C12orf42: variants seen among roughly 807,000 people sequenced by gnomAD.
C12orf42 encodes chromosome 12 open reading frame 42.
In C12orf42, 25 loss-of-function variants were observed where a neutral mutation model predicts 21.6. The ratio of observed to expected loss-of-function variants is 1.16; its 90% CI spans 0.84 to 1.62. The LOEUF (loss-of-function observed/expected upper bound fraction) is 1.62, where lower values mean the gene tolerates loss of function less well. C12orf42 is among the 40% of genes most tolerant of loss of function. The probability of loss-of-function intolerance (pLI) is 0.00; values close to 1 mark genes in which losing one functional copy is unlikely to be tolerated. For missense variants in C12orf42, 483 were observed against 459.3 expected (o/e 1.05, Z -0.47); for synonymous variants, 174 against 175.0 (o/e 0.99, Z 0.05).
the C12orf42 span, among the ~76,000 whole-genome samples, chr12:103,057,179 T>C: frequency 2.7e-5 from 4 of 146,652 alleles, no homozygotes; most frequent in Non-Finnish European, 6.0e-5. Context: ...GAACAGCACA[T>C]CTTTTTTTTT....
At chr12:103,318,770 C>T (rs1336727825) in intron 4 of C12orf42, among the ~76,000 whole-genome samples, 1 of 152,138 alleles carries the variant, frequency 6.6e-6, no homozygotes, top group Non-Finnish European at 1.5e-5. Context: ...TTGGAGAATC[C>T]ACAATGTCAA....
chr12:103,269,489 T>G (rs1474579936), intron 6 of C12orf42, among the ~76,000 whole-genome samples: 1 of 152,182 alleles, frequency 6.6e-6, no homozygotes, highest in African/African-American at 2.4e-5. Context: ...GGAACCAGTC[T>G]ATTTCATTAA....
chr12:103,356,078 A>T (rs2043520329), intron 4 of C12orf42, among the ~76,000 whole-genome samples: 1 of 152,062 alleles, frequency 6.6e-6, no homozygotes, highest in African/African-American at 2.4e-5. Flanking sequence ...TTCAAACTTA[A>T]AAGTCTAACT....
chr12:103,441,792 T>C (rs1367453544), intron 2 of C12orf42, among the ~76,000 whole-genome samples: 4 of 152,114 alleles, frequency 2.6e-5, no homozygotes, highest in African/African-American at 9.7e-5. Flanking sequence ...AAAGGGGAAG[T>C]GTGAATCCAG....
chr12:103,416,157 C>G (rs1320348), intron 2 of C12orf42, among the ~76,000 whole-genome samples: 1 of 151,174 alleles, frequency 6.6e-6, no homozygotes, highest in Non-Finnish European at 1.5e-5. Flanking sequence ...TTTAATCAAA[C>G]TTTATGTCAT....
At chr12:103,381,462 A>G (rs965183251) in intron 3 of C12orf42, among the ~76,000 whole-genome samples, 1 of 152,116 alleles carries the variant, frequency 6.6e-6, no homozygotes, top group Non-Finnish European at 1.5e-5. Flanking sequence ...TATTTGAGGG[A>G]GGGAAAAGAA....
At chr12:103,518,593 C>A in the C12orf42 span, among the ~76,000 whole-genome samples, 1 of 152,088 alleles carries the variant, frequency 6.6e-6, no homozygotes, top group Non-Finnish European at 1.5e-5. Flanking sequence ...ACAAGGGAGT[C>A]CAGAGATGTG....
chr12:103,209,324 T>C, the C12orf42 span, among the ~76,000 whole-genome samples: 4 of 152,288 alleles, frequency 2.6e-5, no homozygotes, highest in Non-Finnish European at 4.4e-5. Context: ...TTATATTAGG[T>C]GAGAAATACA....
At chr12:103,351,873 C>T (rs1026740044) in intron 4 of C12orf42, among the ~76,000 whole-genome samples, 1 of 152,100 alleles carries the variant, frequency 6.6e-6, no homozygotes, top group African/African-American at 2.4e-5. Context: ...CAAGACACAA[C>T]AAATTCCTTA....
intron 3 of C12orf42, among the ~76,000 whole-genome samples, chr12:103,389,232 T>TC (rs1029303411): frequency 1.3e-5 from 2 of 151,938 alleles, no homozygotes; most frequent in Admixed American, 6.6e-5. Context: ...GATTTAAGCA[T>TC]CCCCCCTACT....
chr12:103,513,583 C>G, the C12orf42 span, among the ~76,000 whole-genome samples: 1 of 152,204 alleles, frequency 6.6e-6, no homozygotes, highest in Non-Finnish European at 1.5e-5. Context: ...AGCTTTCACT[C>G]TCAGATTAGA....
At chr12:103,127,673 C>T in the C12orf42 span, among the ~76,000 whole-genome samples, 1 of 152,170 alleles carries the variant, frequency 6.6e-6, no homozygotes, top group African/African-American at 2.4e-5. Flanking sequence ...ATAACAGCAT[C>T]TAACAGGTAG....
At chr12:103,371,063 T>A (rs568787821) in intron 3 of C12orf42, among the ~76,000 whole-genome samples, 2 of 152,250 alleles carry the variant, frequency 1.3e-5, no homozygotes, top group South Asian at 4.1e-4. Flanking sequence ...GATAGTACTA[T>A]TTGGATATTG....
intron 2 of C12orf42, among the ~76,000 whole-genome samples, chr12:103,417,423 C>T (rs1340483602): frequency 6.6e-6 from 1 of 152,186 alleles, no homozygotes; most frequent in African/African-American, 2.4e-5. Flanking sequence ...CATACTCCTC[C>T]ATTTGGCATT....
intron 5 of C12orf42, among the ~76,000 whole-genome samples, chr12:103,275,759 A>C (rs1041396043): frequency 1.7e-5 from 2 of 120,310 alleles, no homozygotes; most frequent in African/African-American, 6.9e-5. Context: ...TTTTTTTTTT[A>C]CTCAGGAAAA....
the C12orf42 span, chr12:103,164,747 T>C: frequency 2.2e-6 from 1 of 455,318 alleles, no homozygotes; most frequent in South Asian, 1.6e-5. Context: ...TTATTCCATG[T>C]AACACTCCAG....
chr12:103,409,589 T>A (rs1197999681), intron 2 of C12orf42, among the ~76,000 whole-genome samples: 2 of 152,062 alleles, frequency 1.3e-5, no homozygotes, highest in Admixed American at 6.6e-5. Flanking sequence ...AACTTGAAAA[T>A]CTATTTAACA....
chr12:103,060,469 A>C, the C12orf42 span, among the ~76,000 whole-genome samples: 3 of 152,338 alleles, frequency 2.0e-5, no homozygotes, highest in South Asian at 6.2e-4. Context: ...GAATTAGAAA[A>C]AACTACTTTA....
At chr12:103,117,513 A>C in the C12orf42 span, among the ~76,000 whole-genome samples, 1 of 152,192 alleles carries the variant, frequency 6.6e-6, no homozygotes, top group Admixed American at 6.5e-5. Context: ...GCTGCCATCT[A>C]TGCATGGGTT....
Sources: allele counts gnomAD v4.1 joint callset (sites outside exome capture counted in the v4.1 genomes callset), GRCh38; gene constraint gnomAD v4.1.1; transcripts MANE v1.5; gene names NCBI Gene and HGNC (gene_info 2026-07-23, HGNC 2026-07-21).